The following NEBL variants were observed in gnomAD, a reference collection of about 807,000 sequenced individuals.
NEBL encodes nebulette, also known as LIM and SH3 protein 2.
A neutral mutation model predicts 140.2 loss-of-function variants in NEBL; 122 were observed. That is an observed-to-expected ratio of 0.87 (90% CI 0.75 to 1.01). The LOEUF is 1.01. Ranked by LOEUF, NEBL falls within the 50% of genes least tolerant of loss-of-function variation. The pLI, the probability that NEBL is intolerant of heterozygous loss-of-function variation, is 0.00. For missense variants in NEBL, 1,365 were observed against 1,231.3 expected, an observed-to-expected ratio of 1.11 and a Z score of -1.62; for synonymous variants, 436 against 398.9, an observed-to-expected ratio of 1.09 and a Z score of -1.11.
chr10:21,076,512 TA>T (rs2131921130), intron 2 of NEBL, among the ~76,000 whole-genome samples: 1 of 111,410 alleles, frequency 9.0e-6, no homozygotes, highest in African/African-American at 3.3e-5. Context: ...CTTGTGGGCA[TA>T]TAACCAAAAA....
chr10:21,173,498 C>T lies in NEBL; in HGVS notation c.69+267G>A, dbSNP rs929435709. Reference sequence around the variant, plus strand: ...CCCTCCGGGGTCCGGGGCTGCGCACCGCCGTGCGCCCTCCGCAGAGGCTCT... The same window carrying T: ...CCCTCCGGGGTCCGGGGCTGCGCACTGCCGTGCGCCCTCCGCAGAGGCTCT... On this transcript the variant is annotated intron_variant, in intron 1 of 6. Transcript: ENST00000417816. This position sits in a 1 kb window ranked among gnomAD's most constrained non-coding sequence, Gnocchi z 5.7. 6.6e-6 allele frequency among the ~76,000 whole-genome samples: 1 copy of T among 152,080 alleles called. No individual in the cohort carries two copies. The highest frequency in any genetic ancestry group is 2.4e-5 in the African/African-American group (1 of 41,452).
At chr10:21,169,064 AAAAATATATATATATATATAT>A (rs1323721451) in intron 2 of NEBL, among the ~76,000 whole-genome samples, 28 of 52,364 alleles carry the variant, frequency 5.3e-4, no homozygotes, top group African/African-American at 1.9e-3. Context: ...AAAAAAAAAA[AAAAATATATATATATATATAT>A]ATATATATAT....
intron 2 of NEBL, among the ~76,000 whole-genome samples, chr10:21,042,628 T>C (rs1834325529): frequency 6.6e-6 from 1 of 152,224 alleles, no homozygotes; most frequent in South Asian, 2.1e-4. Context: ...GATCATGTAA[T>C]GCCAGCTTGA....
chr10:21,139,406 A>T (rs1839508431), intron 2 of NEBL, among the ~76,000 whole-genome samples: 1 of 152,186 alleles, frequency 6.6e-6, no homozygotes, highest in Non-Finnish European at 1.5e-5. Context: ...TACAATTTGG[A>T]TGAGGATACC....
At chr10:20,870,216 C>T (rs140099841) in intron 5 of NEBL, among the ~76,000 whole-genome samples, 2 of 151,276 alleles carry the variant, frequency 1.3e-5, no homozygotes, top group East Asian at 2.0e-4. Context: ...ATCCCAGCTA[C>T]TCGGGAGGCT....
intron 23 of NEBL, 93 bp from the exon 24 acceptor site, chr10:20,813,033 G>T: frequency 9.6e-7 from 1 of 1,042,180 alleles, no homozygotes; most frequent in Non-Finnish European, 1.5e-6. Context: ...TGCACTGGCT[G>T]CGTGCAGATT....
intron 2 of NEBL, among the ~76,000 whole-genome samples, chr10:21,168,285 A>G (rs1275703810): frequency 6.6e-6 from 1 of 152,194 alleles, no homozygotes; most frequent in East Asian, 1.9e-4. Context: ...CCAAATGTCT[A>G]TGCTCATGGT....
At chr10:20,797,681 C>T (rs1386189892) in intron 26 of NEBL, among the ~76,000 whole-genome samples, 1 of 152,042 alleles carries the variant, frequency 6.6e-6, no homozygotes, top group Non-Finnish European at 1.5e-5. Flanking sequence ...GTAGGGAGGT[C>T]AACAGGTTGA....
At chr10:20,976,337 TA>T (rs34974239) in intron 3 of NEBL, among the ~76,000 whole-genome samples, 12,000 of 131,298 alleles carry the variant, frequency 0.091, 745 homozygotes, top group East Asian at 0.38. Context: ...GACTCTATAT[TA>T]AAAAAAAAAA....
chr10:20,839,648 A>G (rs1474059637), intron 13 of NEBL, among the ~76,000 whole-genome samples: 1 of 152,178 alleles, frequency 6.6e-6, no homozygotes, highest in Non-Finnish European at 1.5e-5. Context: ...AAAATTTAGA[A>G]TGTTTTCTAT....
At chr10:20,915,645 C>A (rs549760001) in intron 4 of NEBL, among the ~76,000 whole-genome samples, 1 of 151,788 alleles carries the variant, frequency 6.6e-6, no homozygotes, top group South Asian at 2.1e-4. Context: ...TTTCTTAATC[C>A]AGTCTATCAT....
chr10:20,956,928 C>T (rs1416188383), intron 4 of NEBL, among the ~76,000 whole-genome samples: 1 of 152,192 alleles, frequency 6.6e-6, no homozygotes, highest in African/African-American at 2.4e-5. Context: ...AATTACATAA[C>T]AAATTTCGCC....
At chr10:20,913,458 C>T (rs528434937) in intron 4 of NEBL, among the ~76,000 whole-genome samples, 3 of 152,120 alleles carry the variant, frequency 2.0e-5, no homozygotes, top group South Asian at 4.2e-4. Context: ...ATTAAGAGAT[C>T]GTTACGTGAA....
At chr10:20,820,536 A>C (rs1311498025) in intron 19 of NEBL, among the ~76,000 whole-genome samples, 1 of 152,204 alleles carries the variant, frequency 6.6e-6, no homozygotes, top group Non-Finnish European at 1.5e-5. Flanking sequence ...CTGATGAAAC[A>C]GACTTGAGGT....
At chr10:21,236,493 G>A (rs929949643) in intron 3 of NEBL, among the ~76,000 whole-genome samples, 3 of 151,798 alleles carry the variant, frequency 2.0e-5, no homozygotes, top group Non-Finnish European at 4.4e-5. Context: ...GACTACAGGT[G>A]CACACGACCA....
intron 13 of NEBL, among the ~76,000 whole-genome samples, chr10:20,837,134 T>C (rs897744881): frequency 4.6e-5 from 7 of 151,606 alleles, no homozygotes; most frequent in Non-Finnish European, 1.5e-5. Flanking sequence ...AAGCTAGAAA[T>C]GACTGAGCTT....
chr10:20,848,907 C>A (rs966962752), intron 11 of NEBL, among the ~76,000 whole-genome samples: 3 of 152,100 alleles, frequency 2.0e-5, no homozygotes, highest in Non-Finnish European at 4.4e-5. Flanking sequence ...ATCTGAGTGC[C>A]TTTTTCCCAA....
Position 20,785,642 on chromosome 10 carries a change from T to G in NEBL, c.*105A>C. The G allele has an allele frequency of 7.7e-7, 1 of 1,298,736 alleles. No homozygotes were observed. The highest frequency in any genetic ancestry group is 1.1e-6 in the Non-Finnish European group (1 of 922,230). The allele number at this position is 1,298,736 out of a possible 1,614,324, so 80.5% of individuals were successfully genotyped here. On this transcript the variant is annotated 3_prime_UTR_variant, in exon 28 of 28. Transcript: ENST00000377122. ...GTCTAATTGTCAAAGGAAGGATACATCATTGTAAAATAATGGCCAAGTTGT... is the reference window on the plus strand; with the variant it reads ...GTCTAATTGTCAAAGGAAGGATACAGCATTGTAAAATAATGGCCAAGTTGT...
chr10:20,819,103 G>C, intron 20 of NEBL: 1 of 1,008,772 alleles, frequency 9.9e-7, no homozygotes, highest in Non-Finnish European at 1.3e-6. Flanking sequence ...TACATGTGCA[G>C]GTTTGTTACA....
Sources: gnomAD v4.1 joint callset for allele counts (sites outside exome capture counted in the v4.1 genomes callset) on GRCh38, gnomAD v4.1.1 for gene constraint, Gnocchi (gnomAD v3.1) non-coding constraint, MANE v1.5 for transcripts, NCBI Gene and HGNC (gene_info 2026-07-23, HGNC 2026-07-21) for gene names.